Variants in FBLN1 observed in about 807,000 individuals in gnomAD.
The protein encoded by FBLN1 is fibulin 1.
A neutral mutation model predicts 89.7 loss-of-function variants in FBLN1; 34 were observed. That is an observed-to-expected ratio of 0.38 (90% CI 0.29 to 0.50). FBLN1 has a LOEUF of 0.50. Among genes scored for constraint, FBLN1 ranks in the 20% least tolerant of loss-of-function variants. The pLI is 0.92. For missense variants in FBLN1, 777 were observed against 988.1 expected, an observed-to-expected ratio of 0.79 and a Z score of 2.86; for synonymous variants, 393 against 391.3, an observed-to-expected ratio of 1.00 and a Z score of -0.05.
chr22:45,590,867 C>T lies in FBLN1; in HGVS notation c.1973-9440C>T, dbSNP rs1251881733. On this transcript the variant is annotated intron_variant, in intron 16 of 16. Coordinates refer to ENST00000327858, the MANE Select transcript of FBLN1 (RefSeq NM_006486.3). The surrounding 1 kb of genome is among the most constrained non-coding windows in gnomAD (Gnocchi z 4.1). ...GGAGGGTAGGTCAGTGTTTGGCGTG[C>T]TTGGATTTGAATTGTCCATCTGGGA... 6.6e-6 allele frequency among the ~76,000 whole-genome samples: 1 copy of T among 151,840 alleles called. No individual in the cohort carries two copies. The highest frequency in any genetic ancestry group is 2.4e-5 in the African/African-American group (1 of 41,324).
At chr22:45,551,668 G>A (rs977680994) in intron 14 of FBLN1, among the ~76,000 whole-genome samples, 6 of 152,224 alleles carry the variant, frequency 3.9e-5, no homozygotes, top group Non-Finnish European at 7.3e-5. Context: ...TTAGGAAAAA[G>A]CTGCCCCAAA....
Position 45,568,430 on chromosome 22 carries a change from GCT to G in FBLN1, c.1698-6079_1698-6078del, listed in dbSNP as rs2088916843. On this transcript the variant is annotated intron_variant, in intron 14 of 16. Transcript: ENST00000327858. ...GGGAGTGCTCTTTCTGTAGGGGAGT[GCT>G]CCTTCTGTAGGGGAGTGCTCCTTCT... 7.3e-5 allele frequency among the ~76,000 whole-genome samples: 11 copies of G among 150,060 alleles called. 1 individual carries two copies. Among genetic ancestry groups the G allele is most frequent in the African/African-American group, 2.0e-4 (8 of 40,728 alleles).
intron 16 of FBLN1, among the ~76,000 whole-genome samples, chr22:45,595,900 T>TG (rs1441590034): frequency 1.3e-5 from 2 of 152,394 alleles, no homozygotes; most frequent in East Asian, 3.8e-4. Flanking sequence ...GACAGAGTCT[T>TG]GCTCTGTCGC....
chr22:45,595,855 G>GT (rs1460007802), intron 16 of FBLN1, among the ~76,000 whole-genome samples: 13 of 60,580 alleles, frequency 2.1e-4, no homozygotes, highest in Non-Finnish European at 4.8e-4. Context: ...GGTTGCTGGG[G>GT]TTTTTTTTGT....
chr22:45,541,495 C>A, intron 9 of FBLN1, 123 bp downstream of exon 9: 1 of 1,268,008 alleles, frequency 7.9e-7, no homozygotes, highest in Non-Finnish European at 1.1e-6. Context: ...CCCATCCATC[C>A]CACTGTCAGT....
intron 11 of FBLN1, among the ~76,000 whole-genome samples, chr22:45,544,028 G>A (rs1225628638): frequency 6.6e-6 from 1 of 152,086 alleles, no homozygotes; most frequent in Non-Finnish European, 1.5e-5. Flanking sequence ...TGTAAATGAC[G>A]AGCTGTGAGA....
rs2088671299 is a variant in FBLN1 at position 45,549,275 on chromosome 22, C to T, written c.1573+531C>T. Among the ~76,000 whole-genome samples the T allele has an allele frequency of 6.6e-6, 1 of 152,230 alleles. No individual in the cohort carries two copies. The highest frequency in any genetic ancestry group is 6.5e-5 in the Admixed American group (1 of 15,288). ...GCCATCTGATAACCATCCATTCAAT[C>T]ACTGACAGCGGGTGCTGAGTAGATG... On this transcript the variant is annotated intron_variant, in intron 13 of 16. Transcript: ENST00000327858. This position sits in a 1 kb window ranked among gnomAD's most constrained non-coding sequence, Gnocchi z 5.7.
At chr22:45,515,995 C>T (rs533490022) in intron 1 of FBLN1, among the ~76,000 whole-genome samples, 24 of 152,332 alleles carry the variant, frequency 1.6e-4, no homozygotes, top group Non-Finnish European at 3.1e-4. Flanking sequence ...AGAGCCTGCC[C>T]TCAAGACATT....
chr22:45,553,233 G>A (rs1181414570), intron 14 of FBLN1, among the ~76,000 whole-genome samples: 2 of 152,248 alleles, frequency 1.3e-5, no homozygotes, highest in Non-Finnish European at 2.9e-5. Flanking sequence ...TCTCTGGTGT[G>A]TGGTGGCTTA....
Position 45,547,122 on chromosome 22 carries a change from G to A in FBLN1, c.1359G>A (p.Glu453=). The A allele has an allele frequency of 6.2e-7, 1 of 1,614,174 alleles. No homozygotes were observed. The highest frequency in any genetic ancestry group is 2.2e-5 in the East Asian group (1 of 44,874). The change falls in exon 12 of 17, where the codon GAG becomes GAA. Residue 453 remains glutamate (E), a synonymous_variant. Coordinates refer to ENST00000327858, the MANE Select transcript of FBLN1 (RefSeq NM_006486.3). The part of the protein sequence containing the change: ...NECSSSPCSQ[E]CANVYGSYQC... ...GCAGCAGCAGCCCCTGTAGCCAGGA[G>A]TGTGCCAACGTCTACGGCTCCTACC...
intron 4 of FBLN1, among the ~76,000 whole-genome samples, chr22:45,528,800 A>G (rs136735): frequency 0.87 from 132,317 of 152,194 alleles, 57,811 homozygotes; most frequent in African/African-American, 0.92. Flanking sequence ...AGCACGGACT[A>G]ACTCCGGTTG....
intron 4 of FBLN1, 80 bp downstream of exon 4, chr22:45,528,089 G>T: frequency 6.5e-7 from 1 of 1,532,236 alleles, no homozygotes; most frequent in Non-Finnish European, 9.0e-7. Flanking sequence ...AGTGGAGAGA[G>T]AGAGATTTTA....
At chr22:45,519,624 CAAA>C (rs136720) in intron 2 of FBLN1, among the ~76,000 whole-genome samples, 4 of 117,310 alleles carry the variant, frequency 3.4e-5, no homozygotes, top group Admixed American at 8.9e-5. Flanking sequence ...AACTCTAACT[CAAA>C]AAAAAAAAAA....
Position 45,541,321 on chromosome 22 carries a change from C to T in FBLN1, c.1015C>T (p.Pro339Ser). 1 of 1,614,266 alleles carries T rather than the reference C, an allele frequency of 6.2e-7. No homozygotes were observed. The highest frequency in any genetic ancestry group is 8.5e-7 in the Non-Finnish European group (1 of 1,180,040). ...CTCCTACACGTGCCAGAAGAACGTG[C>T]CCAACTGTGGCCGTGGCTACCATCT... ...EGSYTCQKNV[P>S]NCGRGYHLNE... Residue 339 changes from proline (P) to serine (S), a missense_variant, in exon 9 of 17, where the codon CCC becomes TCC. Coordinates refer to ENST00000327858, the MANE Select transcript of FBLN1 (RefSeq NM_006486.3).
intron 10 of FBLN1, 116 bp from the exon 11 acceptor site, chr22:45,543,285 G>C: frequency 7.6e-7 from 1 of 1,313,910 alleles, no homozygotes; most frequent in Non-Finnish European, 1.1e-6. Flanking sequence ...GGAAAAAAAA[G>C]AAATGAGGCT....
rs534450255 is a variant in FBLN1 at position 45,583,787 on chromosome 22, TGA to T, written c.1972+6692_1972+6693del. ...ATGGGAAGGGGAAGCGCCTGCAGCATGAGAGAGAGAGAGAATGAGAGAGAGAG... is the reference window on the plus strand; with the variant it reads ...ATGGGAAGGGGAAGCGCCTGCAGCATGAGAGAGAGAGAATGAGAGAGAGAG... On this transcript the variant is annotated intron_variant, in intron 16 of 16. Transcript: ENST00000327858. The surrounding 1 kb of genome is among the most constrained non-coding windows in gnomAD (Gnocchi z 4.5). Among the ~76,000 whole-genome samples the T allele has an allele frequency of 9.3e-5, 14 of 151,116 alleles. No homozygotes were observed. Among genetic ancestry groups the T allele is most frequent in the South Asian group, 4.2e-4 (2 of 4,768 alleles).
chr22:45,527,708 G>A (rs1377967814), intron 3 of FBLN1, 139 bp from the exon 4 acceptor site: 3 of 793,362 alleles, frequency 3.8e-6, no homozygotes, highest in Admixed American at 4.3e-5. Flanking sequence ...TTTAGAAGTG[G>A]TATCTAAGCC....
intron 16 of FBLN1, among the ~76,000 whole-genome samples, chr22:45,587,184 A>C (rs905689169): frequency 6.6e-6 from 1 of 151,232 alleles, no homozygotes; most frequent in Non-Finnish European, 1.5e-5. Flanking sequence ...GCACGAACCC[A>C]CTCCCCACAC....
chr22:45,516,780 G>A (rs967373479), intron 1 of FBLN1, among the ~76,000 whole-genome samples: 1 of 152,206 alleles, frequency 6.6e-6, no homozygotes, highest in Non-Finnish European at 1.5e-5. Context: ...GAGTCAGAAG[G>A]GTGGGTCTAC....
Sources: gnomAD v4.1 joint callset for allele counts (sites outside exome capture counted in the v4.1 genomes callset) on GRCh38, gnomAD v4.1.1 for gene constraint, Gnocchi (gnomAD v3.1) non-coding constraint, MANE v1.5 for transcripts, NCBI Gene and HGNC (gene_info 2026-07-23, HGNC 2026-07-21) for gene names.